Variants in N4BP2L2 observed in about 807,000 individuals in gnomAD.
The protein encoded by N4BP2L2 is NEDD4 binding protein 2 like 2.
A neutral mutation model predicts 56.2 loss-of-function variants in N4BP2L2; 50 were observed. That is an observed-to-expected ratio of 0.89 (90% CI 0.71 to 1.13). The LOEUF is 1.13. Ranked by LOEUF, N4BP2L2 falls within the 50% of genes most tolerant of loss-of-function variation. The pLI, the probability that N4BP2L2 is intolerant of heterozygous loss-of-function variation, is 0.00. For synonymous variants in N4BP2L2, 203 were observed against 223.6 expected (o/e 0.91, Z 0.82); for missense variants, 689 against 693.8 (o/e 0.99, Z 0.08).
At chr13:32,443,757 C>G in exon 7 of N4BP2L2, 1 of 1,571,536 alleles carries the variant, frequency 6.4e-7, no homozygotes, top group Non-Finnish European at 8.6e-7. Context: ...AACTTACAAA[C>G]AAGTTATCAC....
intron 6 of N4BP2L2, among the ~76,000 whole-genome samples, chr13:32,469,821 T>C (rs185641085): frequency 6.2e-4 from 95 of 152,340 alleles, no homozygotes; most frequent in African/African-American, 2.2e-3. Flanking sequence ...AGGATGTTAC[T>C]GTACAGCCCA....
chr13:32,522,833 C>T (rs2051376043), intron 3 of N4BP2L2: 1 of 152,142 alleles, frequency 6.6e-6, no homozygotes, highest in African/African-American at 2.4e-5. Context: ...AAAGTTACCG[C>T]AGATGATTAT....
intron 6 of N4BP2L2, among the ~76,000 whole-genome samples, chr13:32,504,214 T>C (rs2090528717): frequency 6.6e-6 from 1 of 152,226 alleles, no homozygotes; most frequent in Non-Finnish European, 1.5e-5. Context: ...GCTTCTCAAC[T>C]AACCAGTGTT....
At chr13:32,489,285 C>T (rs546883263) in intron 6 of N4BP2L2, among the ~76,000 whole-genome samples, 25 of 152,180 alleles carry the variant, frequency 1.6e-4, no homozygotes, top group African/African-American at 5.8e-4. Flanking sequence ...TGAATTTTTC[C>T]GTTTCTGTCA....
At chr13:32,495,212 G>A (rs1448174078) in intron 6 of N4BP2L2, among the ~76,000 whole-genome samples, 1 of 152,036 alleles carries the variant, frequency 6.6e-6, no homozygotes, top group Non-Finnish European at 1.5e-5. Context: ...ATACTCTTAC[G>A]GCCTCAAAGT....
intron 6 of N4BP2L2, among the ~76,000 whole-genome samples, chr13:32,459,277 T>C (rs1033745874): frequency 6.7e-6 from 1 of 150,236 alleles, no homozygotes; most frequent in Non-Finnish European, 1.5e-5. Context: ...AGAAAAGAAA[T>C]ATTAAAAATC....
intron 3 of N4BP2L2, 26 bp from the exon 4 acceptor site, chr13:32,522,296 T>TA (rs995214465): frequency 2.9e-6 from 4 of 1,383,146 alleles, no homozygotes; most frequent in Non-Finnish European, 2.9e-6. Context: ...AATTTAAAAA[T>TA]AAAAAAACAA....
intron 5 of N4BP2L2, among the ~76,000 whole-genome samples, chr13:32,520,320 CG>C (rs1225626416): frequency 6.8e-6 from 1 of 147,756 alleles, no homozygotes; most frequent in Admixed American, 6.8e-5. Context: ...TACCTAAAAA[CG>C]GGTGGGAAGG....
At chr13:32,498,888 C>T (rs1478513013) in intron 6 of N4BP2L2, among the ~76,000 whole-genome samples, 2 of 146,990 alleles carry the variant, frequency 1.4e-5, no homozygotes, top group Non-Finnish European at 3.0e-5. Flanking sequence ...CCCAGCTACT[C>T]AGGAGGCTGA....
intron 6 of N4BP2L2, among the ~76,000 whole-genome samples, chr13:32,485,463 T>C (rs2085651168): frequency 1.3e-5 from 2 of 152,162 alleles, no homozygotes; most frequent in East Asian, 3.8e-4. Flanking sequence ...ATCACTTTGA[T>C]ATAAAAACCA....
At chr13:32,453,186 G>A (rs764976784) in intron 6 of N4BP2L2, among the ~76,000 whole-genome samples, 3 of 152,226 alleles carry the variant, frequency 2.0e-5, no homozygotes, top group Non-Finnish European at 2.9e-5. Context: ...AGCCAAAGAG[G>A]CGGAGGTTGC....
intron 9 of N4BP2L2, among the ~76,000 whole-genome samples, chr13:32,434,133 G>GT (rs1381346975): frequency 6.6e-6 from 1 of 151,144 alleles, no homozygotes; most frequent in Non-Finnish European, 1.5e-5. Context: ...CTGGAGTGCA[G>GT]TGGTGCGATC....
rs780099647 is a variant in N4BP2L2, at chr13:32,535,948, A to C, written c.1080T>G (p.Tyr360Ter). 4 of 1,613,958 alleles carry C rather than the reference A, an allele frequency of 2.5e-6. No individual in the cohort carries two copies. The highest frequency in any genetic ancestry group is 1.3e-5 in the African/African-American group (1 of 74,932). ...TGACTTCACAGAAACCATTACTCAC[A>C]TATCGATCTTGCATACTGCAGCCAT... The change falls in exon 2 of 6, where the codon TAT becomes TAG. Residue 360 changes from tyrosine to a stop codon, truncating the protein, a stop_gained. Coordinates refer to ENST00000267068, the Ensembl canonical transcript of N4BP2L2. LOFTEE classifies it high-confidence loss of function.
chr13:32,500,569 A>AAAAAAAAAAAT (rs1555265131), intron 6 of N4BP2L2, among the ~76,000 whole-genome samples: 2 of 134,624 alleles, frequency 1.5e-5, no homozygotes, highest in Non-Finnish European at 1.6e-5. Context: ...AAAAAAAAAA[A>AAAAAAAAAAAT]TAGCCAGGCA....
intron 6 of N4BP2L2, among the ~76,000 whole-genome samples, chr13:32,495,999 G>A (rs768963829): frequency 1.6e-4 from 25 of 152,034 alleles, no homozygotes; most frequent in Non-Finnish European, 3.1e-4. Flanking sequence ...TTTTGACTCC[G>A]AGGCTGTGAC....
chr13:32,536,465 C>T (rs1200688219), exon 2 of N4BP2L2: 1 of 1,612,682 alleles, frequency 6.2e-7, no homozygotes, highest in Non-Finnish European at 8.5e-7. Context: ...GTTCTCAAAA[C>T]CATCTTTTTC....
exon 6 of N4BP2L2, chr13:32,513,015 G>C (rs1021160947): frequency 6.6e-6 from 1 of 151,148 alleles, no homozygotes; most frequent in East Asian, 1.9e-4. Flanking sequence ...CTGGGCAACA[G>C]AGCGAGACTC....
chr13:32,475,491 G>C (rs925523491), intron 6 of N4BP2L2, among the ~76,000 whole-genome samples: 5 of 152,166 alleles, frequency 3.3e-5, no homozygotes, highest in Non-Finnish European at 5.9e-5. Flanking sequence ...TTTACATAGG[G>C]CTCATAGATT....
intron 6 of N4BP2L2, among the ~76,000 whole-genome samples, chr13:32,487,749 G>A (rs1391034453): frequency 1.3e-5 from 2 of 152,032 alleles, no homozygotes; most frequent in Non-Finnish European, 2.9e-5. Context: ...CCCCATAGCA[G>A]GCATATAGGA....
Sources: gnomAD v4.1 joint callset for allele counts (sites outside exome capture counted in the v4.1 genomes callset) on GRCh38, gnomAD v4.1.1 for gene constraint, MANE v1.5 for transcripts, NCBI Gene and HGNC (gene_info 2026-07-23, HGNC 2026-07-21) for gene names.